The following HECW1 variants were observed in gnomAD, a reference collection of about 807,000 sequenced individuals.
The protein encoded by HECW1 is HECT, C2 and WW domain containing E3 ubiquitin protein ligase 1.
HECW1 carries 61 observed loss-of-function variants against 182.3 expected under a neutral mutation model. That is an observed-to-expected ratio of 0.33 (90% CI 0.27 to 0.41). HECW1 has a LOEUF of 0.41. Ranked by LOEUF, HECW1 falls within the 10% of genes least tolerant of loss-of-function variation. The pLI is 1.00. For synonymous variants in HECW1, 859 were observed against 832.6 expected, an observed-to-expected ratio of 1.03 and a Z score of -0.55; for missense variants, 1,739 against 2,108.9, an observed-to-expected ratio of 0.82 and a Z score of 3.44.
intron 3 of HECW1, 109 bp downstream of exon 3, chr7:43,244,041 C>T (rs1490328597): frequency 1.1e-6 from 1 of 872,676 alleles, no homozygotes; most frequent in East Asian, 2.4e-5. Context: ...GTTGCCCAGC[C>T]CAGGAATTAT....
Position 43,320,665 on chromosome 7 carries a change from A to G in HECW1, c.383A>G (p.Tyr128Cys). 2 of 1,614,164 alleles carry G rather than the reference A, an allele frequency of 1.2e-6. No individual in the cohort carries two copies. Among genetic ancestry groups the G allele is most frequent in the Admixed American group, 1.7e-5 (1 of 60,032 alleles). Residue 128 changes from tyrosine to cysteine, a missense_variant, in exon 5 of 30, where the codon TAT becomes TGT. By Grantham distance (194) the Tyr-to-Cys change is radical. This residue lies in a region of HECW1 where 279 missense variants were observed against 353.1 expected (regional missense o/e 0.79). Coordinates refer to ENST00000395891, the MANE Select transcript of HECW1 (RefSeq NM_015052.5). Reference protein sequence around the residue: ...DEVLSENFLDYKNRGVNGSHR... With the variant: ...DEVLSENFLDCKNRGVNGSHR... ...GTCTTGTCCGAAAACTTTCTGGACT[A>G]TAAAAACCGTGGAGTCAATGGTTCT...
chr7:43,215,651 A>G (rs1796378187), intron 2 of HECW1, among the ~76,000 whole-genome samples: 1 of 152,200 alleles, frequency 6.6e-6, no homozygotes, highest in South Asian at 2.1e-4. Flanking sequence ...TAATTTATCA[A>G]GGTTTTCTTT....
intron 3 of HECW1, among the ~76,000 whole-genome samples, chr7:43,255,257 G>A (rs1800434908): frequency 6.6e-6 from 1 of 152,096 alleles, no homozygotes; most frequent in South Asian, 2.1e-4. Flanking sequence ...ACTGTTCCAG[G>A]TACTACATTA....
chr7:43,188,566 G>C (rs1562650314), intron 2 of HECW1, among the ~76,000 whole-genome samples: 1 of 152,192 alleles, frequency 6.6e-6, no homozygotes. Flanking sequence ...AGAAACCCCA[G>C]AATCACAGGC....
chr7:43,269,906 A>G (rs926271300), intron 3 of HECW1, among the ~76,000 whole-genome samples: 1 of 152,208 alleles, frequency 6.6e-6, no homozygotes, highest in Non-Finnish European at 1.5e-5. Flanking sequence ...AATGCATGGG[A>G]CAACCGCCAT....
chr7:43,454,198 G>C lies in HECW1; in HGVS notation c.2501-2099G>C, dbSNP rs150503467. On this transcript the variant is annotated intron_variant, in intron 12 of 29. Transcript: ENST00000395891. The stretch of plus-strand genomic sequence containing the variant: ...CTTTACTGTAGGTTCCTGGAGGGCA[G>C]GGTCATGTGTCACTCATCTCTGTGT... 1.1e-3 allele frequency among the ~76,000 whole-genome samples: 163 copies of C among 152,326 alleles called. 3 individuals are homozygous for C. The East Asian group carries it at 0.014, about 13-fold the overall frequency.
intron 7 of HECW1, among the ~76,000 whole-genome samples, chr7:43,404,012 C>T (rs1386207182): frequency 6.6e-6 from 1 of 152,124 alleles, no homozygotes; most frequent in Non-Finnish European, 1.5e-5. Flanking sequence ...AATTCTAGAA[C>T]TCTATGTGCT....
At chr7:43,514,894 C>T (rs1387735597) in intron 24 of HECW1, among the ~76,000 whole-genome samples, 1 of 152,064 alleles carries the variant, frequency 6.6e-6, no homozygotes, top group Non-Finnish European at 1.5e-5. Flanking sequence ...ATAAACAAAG[C>T]CACAGAGATA....
rs1408952930 is a variant in HECW1 at position 43,565,560 on chromosome 7, T to TATA, written c.*3636_*3637insAAT. The TATA allele has an allele frequency of 6.3e-6, 1 of 159,498 alleles. No homozygotes were observed. Among genetic ancestry groups the TATA allele is most frequent in the Non-Finnish European group, 1.3e-5 (1 of 76,248 alleles). The allele number at this position is 159,498 out of a possible 1,614,324, so 9.9% of individuals were successfully genotyped here. ...ACTTTACATAACAAATGTGGTGCTT[T>TATA]ATTATTATTATTATTATTATTTTTA... On this transcript the variant is annotated 3_prime_UTR_variant, in exon 30 of 30. Coordinates refer to ENST00000395891, the MANE Select transcript of HECW1 (RefSeq NM_015052.5).
intron 15 of HECW1, among the ~76,000 whole-genome samples, chr7:43,468,375 A>AT (rs2077875339): frequency 6.6e-6 from 1 of 152,130 alleles, no homozygotes; most frequent in East Asian, 1.9e-4. Context: ...GAGGGAGGCC[A>AT]AGGAGAGCCA....
chr7:43,140,438 A>T (rs1488426353), intron 2 of HECW1, among the ~76,000 whole-genome samples: 1 of 152,080 alleles, frequency 6.6e-6, no homozygotes, highest in Non-Finnish European at 1.5e-5. Context: ...GCTATTTCCC[A>T]TTGGTTAAGG....
chr7:43,217,552 A>G (rs1796552989), intron 2 of HECW1, among the ~76,000 whole-genome samples: 2 of 152,246 alleles, frequency 1.3e-5, no homozygotes, highest in Admixed American at 1.3e-4. Context: ...CTCCCTCCAG[A>G]ATCACTGATT....
intron 15 of HECW1, among the ~76,000 whole-genome samples, chr7:43,467,792 G>C (rs2077847737): frequency 6.6e-6 from 1 of 152,144 alleles, no homozygotes; most frequent in African/African-American, 2.4e-5. Context: ...AGACAGTGTA[G>C]TTTCTGCTTT....
At chr7:43,245,354 C>T (rs1309879420) in intron 3 of HECW1, 1 of 152,200 alleles carries the variant, frequency 6.6e-6, no homozygotes, top group Non-Finnish European at 1.5e-5. Flanking sequence ...GTTTGCATTC[C>T]CCTTGGACTT....
intron 3 of HECW1, among the ~76,000 whole-genome samples, chr7:43,268,083 T>C (rs1207933691): frequency 6.6e-6 from 1 of 152,208 alleles, no homozygotes; most frequent in Non-Finnish European, 1.5e-5. Flanking sequence ...AACCAACAAC[T>C]TATAATTTAC....
intron 5 of HECW1, among the ~76,000 whole-genome samples, chr7:43,351,380 T>A (rs576157039): frequency 6.6e-6 from 1 of 152,314 alleles, no homozygotes; most frequent in African/African-American, 2.4e-5. Context: ...GAGTTTCGGC[T>A]GTAGTAGTAT....
chr7:43,193,160 G>A (rs937357176), intron 2 of HECW1, among the ~76,000 whole-genome samples: 21 of 152,132 alleles, frequency 1.4e-4, no homozygotes, highest in Non-Finnish European at 2.9e-5. Flanking sequence ...CTTTTAGCAT[G>A]CTAATGCATT....
intron 7 of HECW1, among the ~76,000 whole-genome samples, chr7:43,403,104 A>G (rs981807389): frequency 6.6e-6 from 1 of 152,192 alleles, no homozygotes; most frequent in African/African-American, 2.4e-5. Flanking sequence ...GTGGGAAATA[A>G]TTTTTCCTCT....
intron 6 of HECW1, among the ~76,000 whole-genome samples, chr7:43,382,506 T>A (rs949764945): frequency 6.6e-6 from 1 of 152,194 alleles, no homozygotes; most frequent in Admixed American, 6.5e-5. Context: ...TTCAACATCA[T>A]AGAGAAAATG....
Sources: allele counts gnomAD v4.1 joint callset (sites outside exome capture counted in the v4.1 genomes callset), GRCh38; gene constraint gnomAD v4.1.1; regional missense constraint gnomAD v4.1.1; transcripts MANE v1.5; gene names NCBI Gene and HGNC (gene_info 2026-07-23, HGNC 2026-07-21).